Variants in CELF4 observed in about 807,000 individuals in gnomAD.
CELF4 encodes the protein CUGBP Elav-like family member 4.
In CELF4, 18 loss-of-function variants were observed where a neutral mutation model predicts 59.9. That is an observed-to-expected ratio of 0.30 (90% confidence interval 0.21 to 0.45). The LOEUF (loss-of-function observed/expected upper bound fraction) is 0.45. CELF4 is among the 20% of genes least tolerant of loss of function. The pLI, the probability that CELF4 is intolerant of heterozygous loss-of-function variation, is 1.00. For synonymous variants in CELF4, 261 were observed against 267.1 expected (o/e 0.98, Z 0.22); for missense variants, 456 against 689.0 (o/e 0.66, Z 3.79).
chr18:37,499,886 G>A (rs1401205958), intron 1 of CELF4, among the ~76,000 whole-genome samples: 1 of 152,228 alleles, frequency 6.6e-6, no homozygotes, highest in Non-Finnish European at 1.5e-5. Flanking sequence ...GAATGAATGA[G>A]TGGAGGAGTG....
intron 2 of CELF4, among the ~76,000 whole-genome samples, chr18:37,428,718 G>C (rs2099629662): frequency 6.6e-6 from 1 of 152,170 alleles, no homozygotes. Flanking sequence ...GGTTGTATGA[G>C]GCAGGAAGAC....
intron 2 of CELF4, among the ~76,000 whole-genome samples, chr18:37,384,934 C>T (rs141778413): frequency 4.6e-5 from 7 of 152,334 alleles, no homozygotes; most frequent in Admixed American, 2.6e-4. Context: ...CTAATGAGTA[C>T]GGAACCATAC....
chr18:37,275,412 A>T (rs899285179), intron 3 of CELF4, among the ~76,000 whole-genome samples, 169 bp from the exon 4 acceptor site: 1 of 147,196 alleles, frequency 6.8e-6, no homozygotes, highest in African/African-American at 2.5e-5. Flanking sequence ...GGCGGGGCTT[A>T]GTCGGAGCGG....
Position 37,338,717 on chromosome 18 carries a change from C to T in CELF4, c.370-16836G>A, listed in dbSNP as rs573336089. On this transcript the variant is annotated intron_variant, in intron 2 of 12. Coordinates refer to ENST00000420428, the MANE Select transcript of CELF4 (RefSeq NM_020180.4). ...CTCAAAATAAAAGATTTTAAGCTCT[C>T]TGTGCTCTTGCTTCATTTAATGGAC... is the stretch of plus-strand genomic sequence containing the variant. Among the ~76,000 whole-genome samples, 368 of 151,294 alleles carry T rather than the reference C, an allele frequency of 2.4e-3. 2 individuals carry two copies. The highest frequency in any genetic ancestry group is 8.5e-3 in the African/African-American group (352 of 41,198).
chr18:37,390,524 C>T (rs1046202518), intron 2 of CELF4, among the ~76,000 whole-genome samples: 5 of 151,982 alleles, frequency 3.3e-5, no homozygotes, highest in South Asian at 2.1e-4. Context: ...CTGTTGACTG[C>T]GGCACTCCTA....
chr18:37,427,217 G>A (rs2099620042), intron 2 of CELF4, among the ~76,000 whole-genome samples: 1 of 152,190 alleles, frequency 6.6e-6, no homozygotes, highest in South Asian at 2.1e-4. Flanking sequence ...CTGGCCTGGG[G>A]TAGGAGGTGG....
intron 2 of CELF4, among the ~76,000 whole-genome samples, chr18:37,463,419 C>G (rs995563887): frequency 1.3e-5 from 2 of 152,202 alleles, no homozygotes; most frequent in East Asian, 1.9e-4. Context: ...TTTAAGATCT[C>G]TCATTTCATG....
intron 1 of CELF4, among the ~76,000 whole-genome samples, chr18:37,513,968 GTGTGTGTGTGTGTGTA>G (rs1311427780): frequency 1.3e-4 from 19 of 144,950 alleles, no homozygotes; most frequent in African/African-American, 5.1e-4. Flanking sequence ...GTGTGTGTGT[GTGTGTGTGTGTGTGTA>G]TACCTTCTGA....
intron 2 of CELF4, among the ~76,000 whole-genome samples, chr18:37,474,842 G>A (rs1201271145): frequency 2.0e-5 from 3 of 152,216 alleles, no homozygotes; most frequent in Non-Finnish European, 4.4e-5. Context: ...CTCAGTGACA[G>A]TGGGTTGACT....
At chr18:37,335,076 G>A (rs1490765413) in intron 2 of CELF4, among the ~76,000 whole-genome samples, 1 of 124,472 alleles carries the variant, frequency 8.0e-6, no homozygotes, top group Non-Finnish European at 1.6e-5. Context: ...AGCCTGCACC[G>A]CCAGCTCGTC....
intron 7 of CELF4, 23 bp downstream of exon 7, chr18:37,272,993 C>G (rs372057581): frequency 1.3e-6 from 2 of 1,595,032 alleles, no homozygotes; most frequent in Non-Finnish European, 1.7e-6. Context: ...GGCCAGACCG[C>G]GTGTTGGCAC....
At chr18:37,370,614 G>A (rs921665962) in intron 2 of CELF4, among the ~76,000 whole-genome samples, 4 of 152,228 alleles carry the variant, frequency 2.6e-5, no homozygotes, top group Admixed American at 2.0e-4. Flanking sequence ...AAAGTAGCAT[G>A]CTTTTAATGT....
intron 1 of CELF4, among the ~76,000 whole-genome samples, chr18:37,551,010 C>T (rs1326234207): frequency 1.3e-5 from 2 of 151,270 alleles, no homozygotes; most frequent in Non-Finnish European, 2.9e-5. Flanking sequence ...TGGTTGGGTA[C>T]CGTTGCTTGA....
At chr18:37,301,307 C>T (rs1200071545) in intron 3 of CELF4, among the ~76,000 whole-genome samples, 1 of 152,216 alleles carries the variant, frequency 6.6e-6, no homozygotes, top group Non-Finnish European at 1.5e-5. Flanking sequence ...CTGCCACAGC[C>T]CCCTGTCCCT....
chr18:37,251,289 C>T (rs566458101), intron 12 of CELF4, among the ~76,000 whole-genome samples: 1 of 152,238 alleles, frequency 6.6e-6, no homozygotes, highest in Admixed American at 6.5e-5. Flanking sequence ...TTTGCATGCC[C>T]TGGTGGAAGA....
intron 2 of CELF4, among the ~76,000 whole-genome samples, chr18:37,476,658 T>C (rs1165973548): frequency 6.6e-6 from 1 of 152,204 alleles, no homozygotes; most frequent in African/African-American, 2.4e-5. Context: ...GTCCTTCTGC[T>C]CGCCCACACA....
At chr18:37,508,338 G>A (rs369659328) in intron 1 of CELF4, among the ~76,000 whole-genome samples, 3 of 152,202 alleles carry the variant, frequency 2.0e-5, no homozygotes, top group South Asian at 2.1e-4. Context: ...AGGGGAGAGC[G>A]TGCAGAGGCA....
chr18:37,452,043 T>C (rs1186608297), intron 2 of CELF4, among the ~76,000 whole-genome samples: 1 of 152,150 alleles, frequency 6.6e-6, no homozygotes, highest in Non-Finnish European at 1.5e-5. Flanking sequence ...TTCTCTGGGC[T>C]GGCATGTGCT....
At chr18:37,330,163 C>T (rs1333327313) in intron 2 of CELF4, among the ~76,000 whole-genome samples, 1 of 152,162 alleles carries the variant, frequency 6.6e-6, no homozygotes, top group Non-Finnish European at 1.5e-5. Flanking sequence ...TCCAGAGACC[C>T]CGCCCTCCAC....
Sources: gnomAD v4.1 joint callset for allele counts (sites outside exome capture counted in the v4.1 genomes callset) on GRCh38, gnomAD v4.1.1 for gene constraint, MANE v1.5 for transcripts, NCBI Gene and HGNC (gene_info 2026-07-23, HGNC 2026-07-21) for gene names.